Variants in LNP1 observed in about 807,000 individuals in gnomAD.
The protein encoded by LNP1 is leukemia NUP98 fusion partner 1.
In LNP1, 12 loss-of-function variants were observed where a neutral mutation model predicts 14.5. The ratio of observed to expected loss-of-function variants is 0.83; its 90% confidence interval spans 0.53 to 1.34. The LOEUF (loss-of-function observed/expected upper bound fraction) is 1.34. Ranked by LOEUF, LNP1 falls within the 40% of genes most tolerant of loss-of-function variation. The pLI, the probability that LNP1 is intolerant of heterozygous loss-of-function variation, is 0.00. For missense variants in LNP1, 198 were observed against 210.9 expected (o/e 0.94, Z 0.38); for synonymous variants, 75 against 71.4 (o/e 1.05, Z -0.26).
chr3:100,451,696 A>AT, intron 2 of LNP1, 23 bp from the exon 3 acceptor site: 5 of 959,990 alleles, frequency 5.2e-6, no homozygotes, highest in Non-Finnish European at 6.8e-6. Context: ...TATACTGTAA[A>AT]TTTTTTCATT....
At position 100,429,697 on chromosome 3, in the gene LNP1, G is replaced by C; in HGVS notation, c.-33G>C. The C allele has an allele frequency of 6.3e-7, 1 of 1,599,218 alleles. No individual in the cohort carries two copies. The highest frequency in any genetic ancestry group is 1.3e-5 in the African/African-American group (1 of 74,632). On this transcript the variant is annotated splice_region_variant and 5_prime_UTR_variant, in exon 2 of 4. An upstream start codon of the reference 5' UTR is lost. Coordinates refer to ENST00000383693, the MANE Select transcript of LNP1 (RefSeq NM_001085451.2). Reference sequence around the variant, plus strand: ...TGATATTTCCCTCTGTCGCATTTAGGGACAGGCCTTCAGTATTTGGCATCA... The same window carrying C: ...TGATATTTCCCTCTGTCGCATTTAGCGACAGGCCTTCAGTATTTGGCATCA...
intron 1 of LNP1, among the ~76,000 whole-genome samples, chr3:100,414,171 CT>C (rs545992556): frequency 5.3e-4 from 80 of 152,266 alleles, no homozygotes; most frequent in African/African-American, 1.9e-3. Flanking sequence ...CGTGGCTCCT[CT>C]GGTAATATCA....
chr3:100,444,342 A>T (rs976280463), intron 2 of LNP1, among the ~76,000 whole-genome samples: 2 of 152,250 alleles, frequency 1.3e-5, no homozygotes, highest in African/African-American at 4.8e-5. Flanking sequence ...ATTATTACTT[A>T]TAATGTCCAT....
At chr3:100,448,494 C>A (rs1215455866) in intron 2 of LNP1, among the ~76,000 whole-genome samples, 1 of 152,052 alleles carries the variant, frequency 6.6e-6, no homozygotes, top group Non-Finnish European at 1.5e-5. Flanking sequence ...AGTTCTGTAA[C>A]CCCTATGTCA....
intron 1 of LNP1, among the ~76,000 whole-genome samples, chr3:100,423,813 G>T (rs1463843548): frequency 1.3e-5 from 2 of 152,144 alleles, no homozygotes; most frequent in Admixed American, 6.5e-5. Context: ...TCAAAAAGGT[G>T]CAGGGTAAAA....
At chr3:100,442,618 G>A (rs1437179459) in intron 2 of LNP1, among the ~76,000 whole-genome samples, 1 of 152,134 alleles carries the variant, frequency 6.6e-6, no homozygotes, top group Non-Finnish European at 1.5e-5. Context: ...TTCCAAAGGA[G>A]GCAATCAGAT....
chr3:100,447,357 C>A (rs1347340312), intron 2 of LNP1, among the ~76,000 whole-genome samples: 1 of 152,008 alleles, frequency 6.6e-6, no homozygotes, highest in African/African-American at 2.4e-5. Context: ...GGACAGAAAA[C>A]CAAACACCGC....
chr3:100,451,659 C>T (rs1336893599), intron 2 of LNP1, 60 bp from the exon 3 acceptor site: 4 of 807,710 alleles, frequency 5.0e-6, no homozygotes, highest in Non-Finnish European at 6.3e-6. Flanking sequence ...AACATTCTGC[C>T]TCTGTGCTAA....
intron 2 of LNP1, among the ~76,000 whole-genome samples, chr3:100,438,193 C>T (rs534869867): frequency 1.3e-5 from 2 of 152,274 alleles, no homozygotes; most frequent in East Asian, 1.9e-4. Flanking sequence ...ATTGCAATTA[C>T]AGCCAGAATA....
In LNP1 at chr3:100,426,955, T is replaced by TA. The variant is rs1402859084; in HGVS notation, c.-33-2736dup. Among the ~76,000 whole-genome samples the TA allele has an allele frequency of 2.0e-5, 3 of 152,144 alleles. No individual in the cohort carries two copies. The East Asian group carries it at 5.8e-4, about 29-fold the overall frequency. On this transcript the variant is annotated intron_variant, in intron 1 of 3. Coordinates refer to ENST00000383693, the MANE Select transcript of LNP1 (RefSeq NM_001085451.2). The stretch of plus-strand genomic sequence containing the variant: ...TATAGACACAGAATAGAAGCCATTT[T>TA]AAAAAATCTCTCTTTTTTTCATTGC...
chr3:100,424,896 T>C (rs1707177878), intron 1 of LNP1, among the ~76,000 whole-genome samples: 1 of 152,256 alleles, frequency 6.6e-6, no homozygotes. Flanking sequence ...TTGACTTTAC[T>C]TAAAATCCAG....
At chr3:100,450,040 C>A (rs1707423271) in intron 2 of LNP1, among the ~76,000 whole-genome samples, 1 of 151,036 alleles carries the variant, frequency 6.6e-6, no homozygotes, top group African/African-American at 2.4e-5. Flanking sequence ...AAAAAACTTT[C>A]CTTTTTTTAT....
chr3:100,430,258 G>A (rs1707230033), intron 2 of LNP1, among the ~76,000 whole-genome samples: 1 of 152,192 alleles, frequency 6.6e-6, no homozygotes. Context: ...TTGAAATACT[G>A]AAAATTGTTC....
At chr3:100,411,840 G>T (rs998144647) in intron 1 of LNP1, among the ~76,000 whole-genome samples, 1 of 152,032 alleles carries the variant, frequency 6.6e-6, no homozygotes, top group Admixed American at 6.6e-5. Context: ...AAATACCATC[G>T]CATTGGGGGT....
chr3:100,451,683 T>TAAAA (rs2148908643), intron 2 of LNP1, 36 bp from the exon 3 acceptor site: 1 of 793,964 alleles, frequency 1.3e-6, no homozygotes, highest in East Asian at 8.9e-5. Flanking sequence ...TGCACAGTCC[T>TAAAA]TTTATACTGT....
chr3:100,424,188 T>G (rs1048871606), intron 1 of LNP1, among the ~76,000 whole-genome samples: 4 of 152,192 alleles, frequency 2.6e-5, no homozygotes, highest in African/African-American at 9.6e-5. Flanking sequence ...TATTTACATC[T>G]TGTTGTTTTG....
At chr3:100,409,689 C>G (rs1436369836) in intron 1 of LNP1, among the ~76,000 whole-genome samples, 1 of 150,592 alleles carries the variant, frequency 6.6e-6, no homozygotes, top group Admixed American at 6.6e-5. Context: ...CTTCCGCCTC[C>G]TGGGTTCAAG....
intron 2 of LNP1, among the ~76,000 whole-genome samples, chr3:100,439,109 A>G (rs1357848753): frequency 6.6e-6 from 1 of 152,194 alleles, no homozygotes; most frequent in African/African-American, 2.4e-5. Context: ...AGTTTTAAGT[A>G]CACACTTTAC....
rs766086917 is a variant in LNP1 at position 100,429,804 on chromosome 3, G to A, written c.75G>A (p.Trp25Ter). 6 of 1,613,878 alleles carry A rather than the reference G, an allele frequency of 3.7e-6. No homozygotes were observed. The African/African-American group carries it at 8.0e-5, about 22-fold the overall frequency. The change falls in exon 2 of 4, where the codon TGG becomes TGA. Residue 25 changes from tryptophan to a stop codon, truncating the protein, a stop_gained. Coordinates refer to ENST00000383693, the MANE Select transcript of LNP1 (RefSeq NM_001085451.2). LOFTEE classifies it high-confidence loss of function. Reference sequence around the variant, plus strand: ...TGAGCAGCTTCTGGGGCCACAGCTGGAGAGAGGAGGATCAGAGAGGACTCC... The same window carrying A: ...TGAGCAGCTTCTGGGGCCACAGCTGAAGAGAGGAGGATCAGAGAGGACTCC... ...KWMSSFWGHSWREEDQRGLRE... is the reference protein window; with the variant it reads ...KWMSSFWGHS
Sources: gnomAD v4.1 joint callset for allele counts (sites outside exome capture counted in the v4.1 genomes callset) on GRCh38, gnomAD v4.1.1 for gene constraint, MANE v1.5 for transcripts, NCBI Gene and HGNC (gene_info 2026-07-23, HGNC 2026-07-21) for gene names.